Variants in TNKS observed in about 807,000 individuals in gnomAD.
TNKS encodes the protein poly [ADP-ribose] polymerase tankyrase-1.
Under a neutral mutation model 135.8 loss-of-function variants are expected in TNKS, and 72 were observed. The observed-to-expected ratio is 0.53, with a 90% CI of 0.44 to 0.64. The LOEUF is 0.64. Among genes scored for constraint, TNKS ranks in the 30% least tolerant of loss-of-function variants. TNKS has a pLI of 0.00. For synonymous variants in TNKS, 849 were observed against 649.3 expected, an observed-to-expected ratio of 1.31 and a Z score of -4.68; for missense variants, 1,769 against 1,674.0, an observed-to-expected ratio of 1.06 and a Z score of -0.99.
intron 5 of TNKS, among the ~76,000 whole-genome samples, chr8:9,696,221 A>C (rs1803508732): frequency 1.3e-5 from 2 of 152,176 alleles, no homozygotes; most frequent in South Asian, 4.1e-4. Flanking sequence ...AGACTTTTGG[A>C]GTACTCCAAT....
intron 22 of TNKS, among the ~76,000 whole-genome samples, chr8:9,763,925 C>T (rs778920327): frequency 7.9e-5 from 12 of 152,250 alleles, no homozygotes; most frequent in South Asian, 4.1e-4. Context: ...ATTTTATTTT[C>T]ATTCCCAGGC....
intron 2 of TNKS, among the ~76,000 whole-genome samples, chr8:9,614,934 C>T (rs886383258): frequency 2.0e-5 from 3 of 152,176 alleles, no homozygotes; most frequent in African/African-American, 7.2e-5. Flanking sequence ...GCATTACATT[C>T]GTGCCTTAGG....
intron 22 of TNKS, among the ~76,000 whole-genome samples, chr8:9,764,174 TTTC>T (rs1408442787): frequency 1.3e-5 from 2 of 152,130 alleles, no homozygotes; most frequent in Non-Finnish European, 2.9e-5. Flanking sequence ...TTAAAACATT[TTTC>T]TTTTCCATAA....
chr8:9,625,037 A>G (rs1011731763), intron 3 of TNKS, among the ~76,000 whole-genome samples: 2 of 152,164 alleles, frequency 1.3e-5, no homozygotes. Context: ...GTTTGGTAGA[A>G]TTCACTAGTG....
chr8:9,749,560 A>C (rs1014109754), intron 18 of TNKS, among the ~76,000 whole-genome samples: 1 of 148,780 alleles, frequency 6.7e-6, no homozygotes, highest in Non-Finnish European at 1.5e-5. Context: ...CCACAACCCC[A>C]ACCTCTTAGA....
At chr8:9,604,076 AAG>A (rs1563110257) in intron 2 of TNKS, among the ~76,000 whole-genome samples, 1 of 152,168 alleles carries the variant, frequency 6.6e-6, no homozygotes, top group Admixed American at 6.5e-5. Flanking sequence ...ATTTATATCA[AAG>A]AGTTTTGATT....
chr8:9,568,017 A>C (rs1797614263), intron 1 of TNKS, among the ~76,000 whole-genome samples: 1 of 152,200 alleles, frequency 6.6e-6, no homozygotes, highest in Non-Finnish European at 1.5e-5. Context: ...TATTACTAAC[A>C]CGAAATATGG....
chr8:9,728,594 T>A (rs1322895326), intron 13 of TNKS, among the ~76,000 whole-genome samples: 1 of 152,230 alleles, frequency 6.6e-6, no homozygotes, highest in Non-Finnish European at 1.5e-5. Context: ...GAAGCTTCAA[T>A]CATGTCAGAC....
chr8:9,565,573 T>C (rs1487137825), intron 1 of TNKS, among the ~76,000 whole-genome samples: 1 of 152,142 alleles, frequency 6.6e-6, no homozygotes, highest in Non-Finnish European at 1.5e-5. Context: ...AAAAATAAAC[T>C]AAACCAGCCA....
chr8:9,587,501 G>T (rs369503338), intron 2 of TNKS, among the ~76,000 whole-genome samples: 1 of 151,230 alleles, frequency 6.6e-6, no homozygotes, highest in African/African-American at 2.4e-5. Context: ...CTGGGTTCAC[G>T]CCATTCTCCT....
intron 3 of TNKS, among the ~76,000 whole-genome samples, chr8:9,633,457 A>G (rs1800374397): frequency 6.6e-6 from 1 of 152,228 alleles, no homozygotes; most frequent in African/African-American, 2.4e-5. Flanking sequence ...ACAAAGTACA[A>G]AAGATTGTTT....
intron 16 of TNKS, 137 bp downstream of exon 16, chr8:9,735,221 T>C (rs759123294): frequency 2.0e-5 from 22 of 1,112,292 alleles, no homozygotes; most frequent in Non-Finnish European, 2.8e-5. Flanking sequence ...TTTTGTATAA[T>C]TTCTTATTGT....
chr8:9,678,752 A>T (rs1802649986), intron 3 of TNKS, among the ~76,000 whole-genome samples: 1 of 152,210 alleles, frequency 6.6e-6, no homozygotes, highest in Non-Finnish European at 1.5e-5. Flanking sequence ...ACAAAATGCG[A>T]AGTCCATATT....
chr8:9,672,868 C>T (rs147547494), intron 3 of TNKS, among the ~76,000 whole-genome samples: 18 of 152,174 alleles, frequency 1.2e-4, no homozygotes, highest in Middle Eastern at 3.4e-3. Flanking sequence ...CTCCCTCCTT[C>T]CGTCTTCCTT....
chr8:9,714,450 A>C (rs1804502336), intron 11 of TNKS, among the ~76,000 whole-genome samples: 1 of 152,070 alleles, frequency 6.6e-6, no homozygotes, highest in African/African-American at 2.4e-5. Context: ...TGTCTTTTCA[A>C]ATGTGTATGT....
chr8:9,564,869 C>G (rs1341292368), intron 1 of TNKS, among the ~76,000 whole-genome samples: 1 of 152,132 alleles, frequency 6.6e-6, no homozygotes, highest in African/African-American at 2.4e-5. Flanking sequence ...ATGAAACATA[C>G]ACGAGAAAGA....
intron 1 of TNKS, chr8:9,575,323 G>C: frequency 2.3e-6 from 2 of 860,406 alleles, no homozygotes; most frequent in Non-Finnish European, 2.8e-6. Flanking sequence ...CTGACCTCGT[G>C]ATCCGCCTGC....
At chr8:9,596,721 A>C (rs1034908817) in intron 2 of TNKS, among the ~76,000 whole-genome samples, 10 of 152,212 alleles carry the variant, frequency 6.6e-5, no homozygotes, top group Non-Finnish European at 1.5e-4. Context: ...CAAGCCTGAA[A>C]ATTTCTAAAT....
At chr8:9,743,401 C>G (rs187089402) in intron 17 of TNKS, 1 of 152,134 alleles carries the variant, frequency 6.6e-6, no homozygotes, top group Non-Finnish European at 1.5e-5. Context: ...CTTTCCTCTT[C>G]TGTTTTATAA....
Sources: gnomAD v4.1 joint callset for allele counts (sites outside exome capture counted in the v4.1 genomes callset) on GRCh38, gnomAD v4.1.1 for gene constraint, MANE v1.5 for transcripts, NCBI Gene and HGNC (gene_info 2026-07-23, HGNC 2026-07-21) for gene names.